The following TMC3 variants were observed in gnomAD, a reference collection of about 807,000 sequenced individuals.
The protein encoded by TMC3 is transmembrane channel like 3.
A neutral mutation model predicts 110.6 loss-of-function variants in TMC3; 98 were observed. The observed-to-expected ratio is 0.89, with a 90% CI of 0.75 to 1.05. The LOEUF is 1.05. Ranked by LOEUF, TMC3 falls within the 50% of genes least tolerant of loss-of-function variation. The probability of loss-of-function intolerance (pLI) is 0.00; values close to 1 mark genes in which losing one functional copy is unlikely to be tolerated. For synonymous variants in TMC3, 489 were observed against 513.1 expected (o/e 0.95, Z 0.63); for missense variants, 1,319 against 1,373.2 (o/e 0.96, Z 0.62).
intron 19 of TMC3, among the ~76,000 whole-genome samples, chr15:81,337,276 G>A (rs1016444128): frequency 2.0e-5 from 3 of 152,118 alleles, no homozygotes; most frequent in Non-Finnish European, 2.9e-5. Flanking sequence ...CTTGGGGTCT[G>A]GAGGACCCAG....
intron 1 of TMC3, among the ~76,000 whole-genome samples, chr15:81,373,667 C>T (rs1406166717): frequency 6.6e-6 from 1 of 152,208 alleles, no homozygotes; most frequent in African/African-American, 2.4e-5. Flanking sequence ...TATCTGCTCT[C>T]TCTTGACATT....
Position 81,351,743 on chromosome 15 carries a change from TG to T in TMC3, c.1033del (p.Gln345ArgfsTer10). On this transcript the variant is annotated frameshift_variant, in exon 10 of 22. Coordinates refer to ENST00000359440, the MANE Select transcript of TMC3 (RefSeq NM_001080532.3). LOFTEE classifies it high-confidence loss of function. ...CTCCTTCTTCGACTGCTCCAGCTTCTGGGACCGGTCCACCACAAAGTAGATG... is the reference window on the plus strand; with the variant it reads ...CTCCTTCTTCGACTGCTCCAGCTTCTGGACCGGTCCACCACAAAGTAGATG... ...YLIYFVVDRS[Q>X]KLEQSKKELT... 1.9e-6 allele frequency: 3 copies of T among 1,582,738 alleles called. No individual in the cohort carries two copies. In the South Asian group the frequency reaches 3.5e-5, roughly 18 times the overall value.
At chr15:81,335,018 A>G in intron 20 of TMC3, 43 bp from the exon 21 acceptor site, 2 of 1,601,656 alleles carry the variant, frequency 1.2e-6, no homozygotes, top group East Asian at 2.2e-5. Flanking sequence ...GGTGTCACTG[A>G]GCAGGTGACA....
At chr15:81,351,183 A>G (rs1357003552) in intron 10 of TMC3, among the ~76,000 whole-genome samples, 1 of 152,300 alleles carries the variant, frequency 6.6e-6, no homozygotes, top group East Asian at 1.9e-4. Context: ...TCTTTCCCAA[A>G]GGAGATGAAT....
chr15:81,362,568 C>T lies in TMC3; in HGVS notation c.313-267G>A, dbSNP rs531477637. 2.7e-3 allele frequency among the ~76,000 whole-genome samples: 418 copies of T among 152,192 alleles called. 3 individuals carry two copies. The highest frequency in any genetic ancestry group is 0.01 in the Middle Eastern group (3 of 294). On this transcript the variant is annotated intron_variant, in intron 3 of 21. Coordinates refer to ENST00000359440, the MANE Select transcript of TMC3 (RefSeq NM_001080532.3). ...ACCTCAATACAGACACCACCCGAGC[C>T]GTGATGCCTGTATTGAAGTGGATAT...
Position 81,332,349 on chromosome 15 carries a change from G to A in TMC3, c.*70C>T, listed in dbSNP as rs1288762761. The stretch of plus-strand genomic sequence containing the variant: ...CTTGTTCACCTCTTTTTCCAGAAAG[G>A]GAGATGCCATGTGCTGGCCCAGCAC... On this transcript the variant is annotated 3_prime_UTR_variant, in exon 22 of 22. Coordinates refer to ENST00000359440, the MANE Select transcript of TMC3 (RefSeq NM_001080532.3). The A allele has an allele frequency of 2.9e-5, 44 of 1,494,000 alleles. No homozygotes were observed. Among genetic ancestry groups the A allele is most frequent in the Middle Eastern group, 1.8e-4 (1 of 5,556 alleles). 92.5% of individuals were successfully genotyped at this position (1,494,000 alleles called of 1,614,324 possible).
At chr15:81,363,894 T>C (rs1239834403) in intron 3 of TMC3, among the ~76,000 whole-genome samples, 1 of 152,174 alleles carries the variant, frequency 6.6e-6, no homozygotes, top group Non-Finnish European at 1.5e-5. Flanking sequence ...TTGGAAAGCA[T>C]TGAGTCTCTG....
intron 2 of TMC3, among the ~76,000 whole-genome samples, chr15:81,369,800 A>T (rs1894395145): frequency 1.3e-5 from 2 of 152,028 alleles, no homozygotes; most frequent in Non-Finnish European, 2.9e-5. Context: ...GTGGCACATG[A>T]CTGCAGTCCC....
chr15:81,368,003 C>T (rs941701912), intron 3 of TMC3, among the ~76,000 whole-genome samples: 1 of 151,834 alleles, frequency 6.6e-6, no homozygotes, highest in Admixed American at 6.5e-5. Context: ...GGCGTGATCT[C>T]GGCTCACTGC....
At position 81,339,625 on chromosome 15, in the gene TMC3, C is replaced by T. The variant is rs879723379; in HGVS notation, c.1845-121G>A. 6.9e-6 allele frequency: 5 copies of T among 722,866 alleles called. No homozygotes were observed. The Admixed American group carries it at 1.1e-4, about 15-fold the overall frequency. 44.8% of individuals were successfully genotyped at this position (722,866 alleles called of 1,614,324 possible). ...GACTCTTTGCAAACTAAAAATCCTCCTCTCAGGGTTACCTACAAATGGATC... is the reference window on the plus strand; with the variant it reads ...GACTCTTTGCAAACTAAAAATCCTCTTCTCAGGGTTACCTACAAATGGATC... On this transcript the variant is annotated intron_variant, in intron 16 of 21. Coordinates refer to ENST00000359440, the MANE Select transcript of TMC3 (RefSeq NM_001080532.3).
At chr15:81,344,155 G>C in intron 13 of TMC3, 110 bp from the exon 14 acceptor site, 1 of 1,202,036 alleles carries the variant, frequency 8.3e-7, no homozygotes, top group Non-Finnish European at 1.1e-6. Context: ...CAGCCAGTGG[G>C]CCCCTCCAAT....
intron 5 of TMC3, 35 bp from the exon 6 acceptor site, chr15:81,358,535 T>C: frequency 5.1e-6 from 8 of 1,560,678 alleles, no homozygotes; most frequent in Non-Finnish European, 6.1e-6. Context: ...TGTGGTCCTC[T>C]GGGTGGGAGG....
At chr15:81,364,634 TAACTAACCTGC>T (rs931419290) in intron 3 of TMC3, among the ~76,000 whole-genome samples, 3 of 147,186 alleles carry the variant, frequency 2.0e-5, no homozygotes, top group Admixed American at 2.0e-4. Context: ...TATACATATG[TAACTAACCTGC>T]ACAATGTGCA....
chr15:81,356,509 A>G lies in TMC3; in HGVS notation c.829T>C (p.Tyr277His). Residue 277 changes from tyrosine to histidine, a missense_variant, in exon 8 of 22, where the codon TAC becomes CAC. Transcript: ENST00000359440. ...FCWRVFCAWD[Y>H]LIGNPEAAES... Reference sequence around the variant, plus strand: ...GCAGCCTCTGGGTTTCCAATGAGGTAATCCCAGGCACAGAACACCCGCCAG... The same window carrying G: ...GCAGCCTCTGGGTTTCCAATGAGGTGATCCCAGGCACAGAACACCCGCCAG... 1 of 1,571,368 alleles carries G rather than the reference A, an allele frequency of 6.4e-7. No individual in the cohort carries two copies. Among genetic ancestry groups the G allele is most frequent in the Non-Finnish European group, 8.6e-7 (1 of 1,157,526 alleles).
At chr15:81,363,107 TAGTCAG>T (rs1345837159) in intron 3 of TMC3, among the ~76,000 whole-genome samples, 4 of 152,094 alleles carry the variant, frequency 2.6e-5, no homozygotes, top group Non-Finnish European at 4.4e-5. Flanking sequence ...ATACAAAAAT[TAGTCAG>T]GTGTGGTGGC....
chr15:81,332,485 C>G lies in TMC3; in HGVS notation c.3237G>C (p.Arg1079Ser). The G allele has an allele frequency of 6.2e-7, 1 of 1,613,162 alleles. No individual in the cohort carries two copies. The highest frequency in any genetic ancestry group is 8.5e-7 in the Non-Finnish European group (1 of 1,179,604). ...GCTCCTGCCCCGACTTGGCCTTCCT[C>G]CTGCTGGGCTGGCCCACGGACCTCG... Reference protein sequence around the residue: ...RFPRSVGQPSRRKAKSGQELT... With the variant: ...RFPRSVGQPSSRKAKSGQELT... The change falls in exon 22 of 22, where the codon AGG becomes AGC. Residue 1079 changes from arginine to serine, a missense_variant. By Grantham distance (110) the Arg-to-Ser change is moderately radical. Transcript: ENST00000359440.
intron 3 of TMC3, among the ~76,000 whole-genome samples, chr15:81,367,459 T>C (rs1894340287): frequency 6.6e-6 from 1 of 152,216 alleles, no homozygotes. Flanking sequence ...TTTTCTTTGT[T>C]TCTACACATT....
intron 2 of TMC3, among the ~76,000 whole-genome samples, chr15:81,372,377 C>CACACAA (rs1281897729): frequency 6.7e-6 from 1 of 149,090 alleles, no homozygotes; most frequent in East Asian, 2.0e-4. Context: ...CACACACACA[C>CACACAA]ACACACACAC....
chr15:81,333,506 G>A (rs796445949), intron 21 of TMC3, among the ~76,000 whole-genome samples: 1 of 152,204 alleles, frequency 6.6e-6, no homozygotes, highest in African/African-American at 2.4e-5. Context: ...ACTGCAGAGC[G>A]AGGGGTGTTA....
Sources: allele counts gnomAD v4.1 joint callset (sites outside exome capture counted in the v4.1 genomes callset), GRCh38; gene constraint gnomAD v4.1.1; transcripts MANE v1.5; gene names NCBI Gene and HGNC (gene_info 2026-07-23, HGNC 2026-07-21).